The following ALK variants were observed in gnomAD, a reference collection of about 807,000 sequenced individuals.
The protein encoded by ALK is ALK tyrosine kinase receptor.
Under a neutral mutation model 163.1 loss-of-function variants are expected in ALK, and 74 were observed. The observed-to-expected ratio is 0.45, with a 90% CI of 0.38 to 0.55. The LOEUF is 0.55. Among genes scored for constraint, ALK ranks in the 20% least tolerant of loss-of-function variants. The pLI, the probability that ALK is intolerant of heterozygous loss-of-function variation, is 0.00. For missense variants in ALK, 2,063 were observed against 2,105.3 expected (o/e 0.98, Z 0.39); for synonymous variants, 960 against 843.2 (o/e 1.14, Z -2.40).
intron 3 of ALK, among the ~76,000 whole-genome samples, chr2:29,534,198 C>A (rs1266174412): frequency 6.6e-6 from 1 of 152,096 alleles, no homozygotes; most frequent in African/African-American, 2.4e-5. Context: ...CAGAGTGGTG[C>A]AGCAGGAGAA....
At chr2:29,212,334 CA>C (rs1278509514) in intron 24 of ALK, among the ~76,000 whole-genome samples, 4 of 151,996 alleles carry the variant, frequency 2.6e-5, no homozygotes, top group Non-Finnish European at 5.9e-5. Flanking sequence ...GTTCTGGGTA[CA>C]ATGCAAAGGA....
chr2:29,560,514 C>T (rs570905155), intron 3 of ALK, among the ~76,000 whole-genome samples: 34 of 152,216 alleles, frequency 2.2e-4, no homozygotes, highest in Admixed American at 7.9e-4. Context: ...GTGACAGTTG[C>T]ACAACTCTGT....
At chr2:29,199,362 C>T (rs1391598737) in intron 26 of ALK, among the ~76,000 whole-genome samples, 2 of 152,116 alleles carry the variant, frequency 1.3e-5, no homozygotes, top group Non-Finnish European at 2.9e-5. Context: ...TATAGTTATA[C>T]AATCTTCCCT....
intron 11 of ALK, among the ~76,000 whole-genome samples, chr2:29,257,037 G>A (rs1484997446): frequency 6.6e-6 from 1 of 152,166 alleles, no homozygotes; most frequent in Non-Finnish European, 1.5e-5. Context: ...CAGTGAGGCT[G>A]GCTTGATGCT....
chr2:29,857,273 T>C (rs1666165048), intron 1 of ALK, among the ~76,000 whole-genome samples: 1 of 152,190 alleles, frequency 6.6e-6, no homozygotes, highest in South Asian at 2.1e-4. Context: ...TAGAGGATAG[T>C]TCTGCAACTT....
intron 1 of ALK, among the ~76,000 whole-genome samples, chr2:29,752,348 CTTTT>C (rs34424748): frequency 1.7e-5 from 2 of 120,982 alleles, no homozygotes; most frequent in African/African-American, 3.5e-5. Flanking sequence ...ATTTTCTTTT[CTTTT>C]TTTTTTTTTT....
Position 29,532,009 on chromosome 2 carries a change from G to T in ALK, c.1060C>A (p.His354Asn), listed in dbSNP as rs1490289892. The T allele has an allele frequency of 6.2e-7, 1 of 1,614,050 alleles. No individual in the cohort carries two copies. Among genetic ancestry groups the T allele is most frequent in the Admixed American group, 1.7e-5 (1 of 60,004 alleles). ...ATGTACCTTCCAGAGGGCTGCAGGT[G>T]CCTGTGCACCGAGACGGCCAGTGTG... The part of the protein sequence containing the change: ...HCTLAVSVHR[H>N]LQPSGRYIAQ... Residue 354 changes from histidine to asparagine, a missense_variant, in exon 4 of 29, where the codon CAC becomes AAC. This residue lies in a region of ALK where 987 missense variants were observed against 939.5 expected (regional missense o/e 1.05). Coordinates refer to ENST00000389048, the MANE Select transcript of ALK (RefSeq NM_004304.5).
chr2:29,550,257 G>T lies in ALK; in HGVS notation c.953-18141C>A, dbSNP rs76577664. ...ATTATTAAACCTACTTTTTAGTTGA[G>T]AAAACTGAGACTCGGAGATATCAAT... On this transcript the variant is annotated intron_variant, in intron 3 of 28. Transcript: ENST00000389048. Among the ~76,000 whole-genome samples the T allele has an allele frequency of 2.3e-3, 355 of 152,268 alleles. 3 individuals carry two copies. Among genetic ancestry groups the T allele is most frequent in the East Asian group, 7.3e-3 (38 of 5,186 alleles).
chr2:29,778,374 G>T (rs770846201), intron 1 of ALK, among the ~76,000 whole-genome samples: 1 of 152,308 alleles, frequency 6.6e-6, no homozygotes, highest in African/African-American at 2.4e-5. Context: ...GTTGGACCAG[G>T]CTCCAAGGAA....
chr2:29,606,264 A>G (rs1675539764), intron 3 of ALK, among the ~76,000 whole-genome samples: 2 of 152,240 alleles, frequency 1.3e-5, no homozygotes, highest in South Asian at 4.1e-4. Flanking sequence ...GGCCTACTGG[A>G]TAAGCCACAA....
chr2:29,757,858 A>G (rs1680581526), intron 1 of ALK, among the ~76,000 whole-genome samples: 1 of 152,134 alleles, frequency 6.6e-6, no homozygotes, highest in African/African-American at 2.4e-5. Flanking sequence ...TTAGCCACAC[A>G]TCACACCAGC....
At chr2:29,347,420 G>C (rs764086085) in intron 5 of ALK, among the ~76,000 whole-genome samples, 1 of 152,154 alleles carries the variant, frequency 6.6e-6, no homozygotes, top group East Asian at 1.9e-4. Flanking sequence ...ACTAAATGCC[G>C]TCCTTTGGTT....
intron 3 of ALK, among the ~76,000 whole-genome samples, chr2:29,644,161 C>T (rs1280181952): frequency 6.9e-4 from 95 of 138,564 alleles, no homozygotes; most frequent in South Asian, 1.4e-3. Flanking sequence ...AAAAACCAAA[C>T]ACCGCATATT....
chr2:29,208,600 C>A (rs1255414522), intron 25 of ALK, among the ~76,000 whole-genome samples: 1 of 152,178 alleles, frequency 6.6e-6, no homozygotes, highest in Non-Finnish European at 1.5e-5. Context: ...CTTCCACATG[C>A]TGCTGCCCCG....
chr2:29,403,719 A>C (rs1485693249), intron 4 of ALK, among the ~76,000 whole-genome samples: 16 of 126,322 alleles, frequency 1.3e-4, no homozygotes, highest in African/African-American at 4.1e-4. Context: ...CAAAAAAAAA[A>C]AAAAAAAAAA....
intron 2 of ALK, among the ~76,000 whole-genome samples, chr2:29,696,493 C>T (rs1234707823): frequency 1.4e-5 from 2 of 143,234 alleles, no homozygotes; most frequent in Non-Finnish European, 3.0e-5. Flanking sequence ...TGTAACAAAC[C>T]TGCATGTTCG....
chr2:29,826,521 T>G lies in ALK; in HGVS notation c.667+93472A>C, dbSNP rs774389133. ...CTCTGTCTCTTTATGTGTCAGGGTT[T>G]AGCATTCACATACTCAGTCAGTCTT... On this transcript the variant is annotated intron_variant, in intron 1 of 28. Transcript: ENST00000389048. Among the ~76,000 whole-genome samples the G allele has an allele frequency of 1.4e-3, 211 of 152,218 alleles. 1 individual carries two copies. The highest frequency in any genetic ancestry group is 2.6e-3 in the Non-Finnish European group (176 of 68,036).
chr2:29,250,573 C>T (rs1664790765), intron 12 of ALK, among the ~76,000 whole-genome samples: 1 of 152,104 alleles, frequency 6.6e-6, no homozygotes, highest in Non-Finnish European at 1.5e-5. Context: ...TCAAAGTGGC[C>T]AAGTGGAGCT....
chr2:29,911,327 C>A (rs1014573716), intron 1 of ALK, among the ~76,000 whole-genome samples: 1 of 152,178 alleles, frequency 6.6e-6, no homozygotes, highest in African/African-American at 2.4e-5. Context: ...CTGATAGAAA[C>A]CCTCAAATAG....
Sources: gnomAD v4.1 joint callset for allele counts (sites outside exome capture counted in the v4.1 genomes callset) on GRCh38, gnomAD v4.1.1 for gene constraint, gnomAD v4.1.1 regional missense constraint, MANE v1.5 for transcripts, NCBI Gene and HGNC (gene_info 2026-07-23, HGNC 2026-07-21) for gene names.